Variants in PRKAG2 observed in about 807,000 individuals in gnomAD.
PRKAG2 encodes the protein 5'-AMP-activated protein kinase subunit gamma-2.
A neutral mutation model predicts 69.6 loss-of-function variants in PRKAG2; 26 were observed. The observed-to-expected ratio is 0.37, with a 90% CI of 0.27 to 0.52. PRKAG2 has a LOEUF of 0.52. Ranked by LOEUF, PRKAG2 falls within the 20% of genes least tolerant of loss-of-function variation. The probability of loss-of-function intolerance (pLI) is 0.90; values close to 1 mark genes in which losing one functional copy is unlikely to be tolerated. For synonymous variants in PRKAG2, 293 were observed against 285.0 expected (o/e 1.03, Z -0.28); for missense variants, 557 against 740.0 (o/e 0.75, Z 2.87).
At position 151,777,702 on chromosome 7, in the gene PRKAG2, C is replaced by T. The variant is rs2076450424; in HGVS notation, c.466+3450G>A. ...CAGCCTCACAGGCTGGCTGGCTTTG[C>T]TCATTACCTGGGCGGAGGCCAAGCT... is the stretch of plus-strand genomic sequence containing the variant. On this transcript the variant is annotated intron_variant, in intron 3 of 15. Coordinates refer to ENST00000287878, the MANE Select transcript of PRKAG2 (RefSeq NM_016203.4). The surrounding 1 kb of genome is among the most constrained non-coding windows in gnomAD (Gnocchi z 4.3). 6.6e-6 allele frequency among the ~76,000 whole-genome samples: 1 copy of T among 152,202 alleles called. No homozygotes were observed. The highest frequency in any genetic ancestry group is 6.5e-5 in the Admixed American group (1 of 15,278).
At chr7:151,764,656 C>G (rs1041007654) in intron 3 of PRKAG2, among the ~76,000 whole-genome samples, 2 of 152,254 alleles carry the variant, frequency 1.3e-5, no homozygotes, top group Non-Finnish European at 2.9e-5. Flanking sequence ...GCCCGGAGAC[C>G]TCATGACCTA....
At position 151,781,045 on chromosome 7, in the gene PRKAG2, G is replaced by T; in HGVS notation, c.466+107C>A. 1 of 1,481,664 alleles carries T rather than the reference G, an allele frequency of 6.7e-7. No individual in the cohort carries two copies. The highest frequency in any genetic ancestry group is 9.4e-7 in the Non-Finnish European group (1 of 1,069,066). The allele number at this position is 1,481,664 out of a possible 1,614,324, so 91.8% of individuals were successfully genotyped here. ...AACAGATACAGGCACTCAGCACCAA[G>T]CTGCTCACAGCCACCTGGCAGCTTC... is the stretch of plus-strand genomic sequence containing the variant. On this transcript the variant is annotated intron_variant, in intron 3 of 15. Coordinates refer to ENST00000287878, the MANE Select transcript of PRKAG2 (RefSeq NM_016203.4). This position sits in a 1 kb window ranked among gnomAD's most constrained non-coding sequence, Gnocchi z 6.1.
At chr7:151,591,444 C>G (rs1813112902) in intron 6 of PRKAG2, among the ~76,000 whole-genome samples, 1 of 152,186 alleles carries the variant, frequency 6.6e-6, no homozygotes, top group Non-Finnish European at 1.5e-5. Context: ...CTCTAGGTGC[C>G]TCTGTGAGAT....
chr7:151,560,641 G>A (rs553107117), intron 14 of PRKAG2, 24 bp from the exon 15 acceptor site: 5 of 1,613,474 alleles, frequency 3.1e-6, no homozygotes, highest in South Asian at 1.1e-5. Context: ...AGCAGGACAC[G>A]TGAAAATTAA....
At chr7:151,853,946 C>T (rs2151898006) in intron 1 of PRKAG2, among the ~76,000 whole-genome samples, 1 of 152,168 alleles carries the variant, frequency 6.6e-6, no homozygotes, top group Non-Finnish European at 1.5e-5. Flanking sequence ...CACCGAAAAA[C>T]CAAAAACAAA....
intron 3 of PRKAG2, among the ~76,000 whole-genome samples, chr7:151,723,481 G>A (rs1289652357): frequency 6.6e-6 from 1 of 152,206 alleles, no homozygotes; most frequent in Non-Finnish European, 1.5e-5. Flanking sequence ...TGGCGAACTG[G>A]CCCACGCCCT....
chr7:151,600,291 ACTT>A (rs1270138382), intron 5 of PRKAG2, among the ~76,000 whole-genome samples: 1 of 152,244 alleles, frequency 6.6e-6, no homozygotes, highest in Non-Finnish European at 1.5e-5. Context: ...GATCTGGACT[ACTT>A]GGGAAATATC....
At chr7:151,558,402 G>A in intron 15 of PRKAG2, 4 of 985,368 alleles carry the variant, frequency 4.1e-6, no homozygotes, top group African/African-American at 1.7e-5. Context: ...TTTTGTGCAC[G>A]GCTTTCAGCT....
At chr7:151,711,373 A>T (rs2536078) in intron 3 of PRKAG2, among the ~76,000 whole-genome samples, 47,392 of 151,630 alleles carry the variant, frequency 0.31, 8,180 homozygotes, top group East Asian at 0.7. Flanking sequence ...GAGTACTAAT[A>T]GTGCTAGGCT....
chr7:151,707,347 G>A (rs1432811431), intron 3 of PRKAG2, among the ~76,000 whole-genome samples: 1 of 152,138 alleles, frequency 6.6e-6, no homozygotes, highest in Non-Finnish European at 1.5e-5. Context: ...TGTGGAGCAG[G>A]GTAGCTGAGG....
intron 3 of PRKAG2, among the ~76,000 whole-genome samples, chr7:151,772,286 C>G (rs1042338119): frequency 6.6e-6 from 1 of 152,168 alleles, no homozygotes; most frequent in Non-Finnish European, 1.5e-5. Flanking sequence ...AGGGGGTCAT[C>G]TCTTCTATCC....
intron 3 of PRKAG2, among the ~76,000 whole-genome samples, chr7:151,711,115 G>T (rs1795234758): frequency 6.6e-6 from 1 of 151,934 alleles, no homozygotes; most frequent in Non-Finnish European, 1.5e-5. Flanking sequence ...ACTAGGCTGA[G>T]AGTGCTGAGT....
chr7:151,859,781 C>T (rs1013318604), intron 1 of PRKAG2, among the ~76,000 whole-genome samples: 3 of 152,196 alleles, frequency 2.0e-5, no homozygotes, highest in Non-Finnish European at 4.4e-5. Context: ...GGTTAAGGCA[C>T]CGAGGATGTA....
chr7:151,773,054 G>GAGA (rs2076143533), intron 3 of PRKAG2, among the ~76,000 whole-genome samples: 1 of 29,554 alleles, frequency 3.4e-5, no homozygotes, highest in Non-Finnish European at 6.7e-5. Flanking sequence ...AGAGAGAGAG[G>GAGA]GAGGGAGGGA....
chr7:151,652,754 T>G (rs111528659), intron 4 of PRKAG2, among the ~76,000 whole-genome samples: 9 of 152,164 alleles, frequency 5.9e-5, no homozygotes, highest in African/African-American at 2.2e-4. Context: ...TTCTCATGAG[T>G]GGCTGGGACT....
intron 3 of PRKAG2, among the ~76,000 whole-genome samples, chr7:151,676,951 C>T (rs1287074503): frequency 6.6e-6 from 1 of 152,208 alleles, no homozygotes; most frequent in Non-Finnish European, 1.5e-5. Context: ...TGCTGGCAAA[C>T]CCAGAAGCCA....
intron 15 of PRKAG2, chr7:151,559,322 T>C: frequency 3.0e-6 from 3 of 984,908 alleles, no homozygotes; most frequent in Non-Finnish European, 3.6e-6. Flanking sequence ...TTCCCAGTTT[T>C]ATGGCATTAA....
chr7:151,702,159 G>C (rs1294574744), intron 3 of PRKAG2, among the ~76,000 whole-genome samples: 1 of 152,234 alleles, frequency 6.6e-6, no homozygotes, highest in Non-Finnish European at 1.5e-5. Flanking sequence ...CCTGTGCGGG[G>C]AGTTCGATTG....
intron 2 of PRKAG2, among the ~76,000 whole-genome samples, chr7:151,782,297 A>G (rs12703155): frequency 0.039 from 1,555 of 39,832 alleles, 119 homozygotes; most frequent in East Asian, 0.068. Context: ...GAAAGGAAAG[A>G]AAGGAAGGAA....
Sources: allele counts gnomAD v4.1 joint callset (sites outside exome capture counted in the v4.1 genomes callset), GRCh38; gene constraint gnomAD v4.1.1; non-coding constraint Gnocchi (gnomAD v3.1); transcripts MANE v1.5; gene names NCBI Gene and HGNC (gene_info 2026-07-23, HGNC 2026-07-21).